WSCD1: variants seen among roughly 807,000 people sequenced by gnomAD.
WSCD1 encodes sialate:O-sulfotransferase 1.
In WSCD1, 41 loss-of-function variants were observed where a neutral mutation model predicts 60.4. The ratio of observed to expected loss-of-function variants is 0.68; its 90% CI spans 0.53 to 0.88. The LOEUF (loss-of-function observed/expected upper bound fraction) is 0.88, where lower values mean the gene tolerates loss of function less well. Ranked by LOEUF, WSCD1 falls within the 40% of genes least tolerant of loss-of-function variation. The probability of loss-of-function intolerance (pLI) is 0.00; values close to 1 mark genes in which losing one functional copy is unlikely to be tolerated. For synonymous variants in WSCD1, 361 were observed against 332.5 expected (o/e 1.09, Z -0.93); for missense variants, 784 against 796.2 (o/e 0.98, Z 0.18).
intron 4 of WSCD1, among the ~76,000 whole-genome samples, chr17:6,093,167 G>A (rs8076894): frequency 0.41 from 62,287 of 152,216 alleles, 15,709 homozygotes; most frequent in East Asian, 0.75. Context: ...GAGGGAGACT[G>A]GACTGTACCA....
intron 7 of WSCD1, among the ~76,000 whole-genome samples, chr17:6,112,776 C>G (rs1911480775): frequency 1.3e-5 from 2 of 151,974 alleles, no homozygotes; most frequent in Non-Finnish European, 2.9e-5. Flanking sequence ...AACTATAAAA[C>G]ACTTATGAAA....
chr17:6,099,441 G>C (rs559396150), intron 5 of WSCD1, among the ~76,000 whole-genome samples: 1 of 151,244 alleles, frequency 6.6e-6, no homozygotes, highest in South Asian at 2.1e-4. Context: ...CTTGAACCCA[G>C]GAGGCAGAGG....
rs533105126 is a variant in WSCD1 at position 6,120,718 on chromosome 17, C to T, written c.*57C>T. On this transcript the variant is annotated 3_prime_UTR_variant, in exon 9 of 9. Transcript: ENST00000317744. ...GTGACGCAATCGCACCACGGGGCTG[C>T]GCTCCCCACTCTGATGCTCAGGCCC... is the stretch of plus-strand genomic sequence containing the variant. 2.9e-5 allele frequency: 44 copies of T among 1,530,534 alleles called. No homozygotes were observed. The East Asian group carries it at 3.2e-4, about 11-fold the overall frequency. The allele number at this position is 1,530,534 out of a possible 1,614,324, so 94.8% of individuals were successfully genotyped here. A position where few individuals can be genotyped will look rare whatever the true frequency, so the allele number is the denominator to read the frequency against.
At chr17:6,083,091 A>G (rs1909384416) in intron 2 of WSCD1, among the ~76,000 whole-genome samples, 1 of 152,168 alleles carries the variant, frequency 6.6e-6, no homozygotes, top group African/African-American at 2.4e-5. Flanking sequence ...GATTTCTGCA[A>G]ACTCTCCGCA....
chr17:6,090,274 C>G, intron 3 of WSCD1, 47 bp from the exon 4 acceptor site: 1 of 1,512,764 alleles, frequency 6.6e-7, no homozygotes, highest in African/African-American at 1.4e-5. Context: ...GACCGCAGCC[C>G]TAGCTCTGGG....
Position 6,117,985 on chromosome 17 carries a change from C to T in WSCD1, c.1175-3C>T. 1 of 1,613,218 alleles carries T rather than the reference C, an allele frequency of 6.2e-7. No homozygotes were observed. Among genetic ancestry groups the T allele is most frequent in the Middle Eastern group, 1.8e-4 (1 of 5,438 alleles). On this transcript the variant is annotated splice_region_variant and splice_polypyrimidine_tract_variant and intron_variant, in intron 7 of 8. Coordinates refer to ENST00000317744, the MANE Select transcript of WSCD1 (RefSeq NM_015253.2). ...ACAGAGACCCTCTCATTTTTCCCTG[C>T]AGGGTTCAAGGGCGAAAAGGACCAC...
chr17:6,104,063 G>A (rs1159775113), intron 5 of WSCD1, among the ~76,000 whole-genome samples: 1 of 152,150 alleles, frequency 6.6e-6, no homozygotes, highest in Admixed American at 6.5e-5. Flanking sequence ...TCTGCTTCCG[G>A]TGAGGCCTCA....
intron 4 of WSCD1, among the ~76,000 whole-genome samples, chr17:6,094,569 A>G (rs749534491): frequency 6.7e-6 from 1 of 148,608 alleles, no homozygotes; most frequent in Non-Finnish European, 1.5e-5. Context: ...GGAAGGAAGG[A>G]AAAGGAAGGA....
rs759315376 is a variant in WSCD1 at position 6,090,434 on chromosome 17, G to T, written c.656G>T (p.Gly219Val). ...ECNHECKGEKGSVCGAVDRLS... is the reference protein window; with the variant it reads ...ECNHECKGEKVSVCGAVDRLS... ...AACCATGAGTGCAAAGGCGAGAAGGGCTCTGTGTGCGGGGCTGTGGACCGG... is the reference window on the plus strand; with the variant it reads ...AACCATGAGTGCAAAGGCGAGAAGGTCTCTGTGTGCGGGGCTGTGGACCGG... The change falls in exon 4 of 9, where the codon GGC (glycine) becomes GTC (valine). Residue 219 changes from glycine to valine, a missense_variant. Gly to Val is a moderately radical substitution (Grantham distance 109). Coordinates refer to ENST00000317744, the MANE Select transcript of WSCD1 (RefSeq NM_015253.2). 6.2e-7 allele frequency: 1 copy of T among 1,613,212 alleles called. No homozygotes were observed. Among genetic ancestry groups the T allele is most frequent in the South Asian group, 1.1e-5 (1 of 90,942 alleles).
intron 6 of WSCD1, 26 bp downstream of exon 6, chr17:6,109,792 G>T (rs747505131): frequency 3.7e-6 from 6 of 1,601,868 alleles, no homozygotes; most frequent in Non-Finnish European, 5.1e-6. Context: ...CCGACTGGTA[G>T]TGGCATTTGG....
chr17:6,121,823 A>G lies in WSCD1; in HGVS notation c.*1162A>G, dbSNP rs1393551067. ...TGGGATGGGGGTCAATGTATGCTAC[A>G]CATCTTGGGCTCACAAGTGAGGCTG... On this transcript the variant is annotated 3_prime_UTR_variant, in exon 9 of 9. Coordinates refer to ENST00000317744, the MANE Select transcript of WSCD1 (RefSeq NM_015253.2). 2 of 152,212 alleles carry G rather than the reference A, an allele frequency of 1.3e-5. No individual in the cohort carries two copies. The highest frequency in any genetic ancestry group is 2.9e-5 in the Non-Finnish European group (2 of 68,106). 9.4% of individuals were successfully genotyped at this position (152,212 alleles called of 1,614,324 possible). A position where few individuals can be genotyped will look rare whatever the true frequency, so the allele number is the denominator to read the frequency against.
chr17:6,105,326 A>G (rs1911027607), intron 5 of WSCD1, among the ~76,000 whole-genome samples: 1 of 152,166 alleles, frequency 6.6e-6, no homozygotes, highest in African/African-American at 2.4e-5. Context: ...TGTCTGATTG[A>G]AACAATCCCA....
chr17:6,107,341 A>C (rs987864818), intron 5 of WSCD1, among the ~76,000 whole-genome samples: 6 of 151,778 alleles, frequency 4.0e-5, no homozygotes, highest in African/African-American at 1.2e-4. Flanking sequence ...TCTCTACTAA[A>C]AATACAAAAA....
chr17:6,086,423 C>T (rs903832075), intron 2 of WSCD1, among the ~76,000 whole-genome samples: 4 of 151,794 alleles, frequency 2.6e-5, no homozygotes, highest in Non-Finnish European at 4.4e-5. Flanking sequence ...GCAACCTCCA[C>T]CTCCTAGGTT....
rs541430822 is a variant in WSCD1 at position 6,107,952 on chromosome 17, A to G, written c.850-1655A>G. ...TACTACCGAGGCTCAATAGCCTATC[A>G]TGCACTGACTCACAGCGCAGGTGCC... is the stretch of plus-strand genomic sequence containing the variant. On this transcript the variant is annotated intron_variant, in intron 5 of 8. Coordinates refer to ENST00000317744, the MANE Select transcript of WSCD1 (RefSeq NM_015253.2). 1.6e-4 allele frequency among the ~76,000 whole-genome samples: 24 copies of G among 152,314 alleles called. No homozygotes were observed. The East Asian group carries it at 4.3e-3, about 27-fold the overall frequency.
Position 6,118,053 on chromosome 17 carries a change from G to C in WSCD1, c.1240G>C (p.Gly414Arg). ...CATCTGTGTCAAAACCCACGAGAGT[G>C]GCAGGAGGGAGATTGAGATGTTTGA... The part of the protein sequence containing the change: ...RTICVKTHES[G>R]RREIEMFDSA... The change falls in exon 8 of 9, where the codon GGC (glycine) becomes CGC (arginine). Residue 414 changes from glycine to arginine, a missense_variant. Gly to Arg is a moderately radical substitution (Grantham distance 125). Coordinates refer to ENST00000317744, the MANE Select transcript of WSCD1 (RefSeq NM_015253.2). The surrounding 1 kb of genome is among the most constrained non-coding windows in gnomAD (Gnocchi z 5.8). The C allele has an allele frequency of 6.2e-7, 1 of 1,614,218 alleles. No individual in the cohort carries two copies. The highest frequency in any genetic ancestry group is 8.5e-7 in the Non-Finnish European group (1 of 1,180,034).
At position 6,099,249 on chromosome 17, in the gene WSCD1, G is replaced by T. The variant is rs541415712; in HGVS notation, c.849+4026G>T. 3.3e-5 allele frequency among the ~76,000 whole-genome samples: 5 copies of T among 152,216 alleles called. No homozygotes were observed. The South Asian group carries it at 1.0e-3, about 32-fold the overall frequency. On this transcript the variant is annotated intron_variant, in intron 5 of 8. Transcript: ENST00000317744. Reference sequence around the variant, plus strand: ...GCGGCTTAAAGGGCCAGGCACGGTGGCTCATGCCTGTAATCCCTGCACTTT... The same window carrying T: ...GCGGCTTAAAGGGCCAGGCACGGTGTCTCATGCCTGTAATCCCTGCACTTT...
intron 5 of WSCD1, among the ~76,000 whole-genome samples, chr17:6,099,836 CCT>C (rs1191013370): frequency 1.3e-5 from 2 of 152,160 alleles, no homozygotes; most frequent in African/African-American, 2.4e-5. Flanking sequence ...ATCCCCCCTC[CCT>C]CTGTCTCTGT....
At chr17:6,086,250 C>CATATATAGATATATATATATATATATAT (rs1909634224) in intron 2 of WSCD1, among the ~76,000 whole-genome samples, 1 of 98,234 alleles carries the variant, frequency 1.0e-5, no homozygotes, top group Non-Finnish European at 2.0e-5. Context: ...GTCCTGACTT[C>CATATATAGATATATATATATATATATAT]ATATATATAT....
Sources: allele counts gnomAD v4.1 joint callset (sites outside exome capture counted in the v4.1 genomes callset), GRCh38; gene constraint gnomAD v4.1.1; non-coding constraint Gnocchi (gnomAD v3.1); transcripts MANE v1.5; gene names NCBI Gene and HGNC (gene_info 2026-07-23, HGNC 2026-07-21).